HPSE2: variants seen among roughly 807,000 people sequenced by gnomAD.
HPSE2 encodes inactive heparanase-2.
In HPSE2, 38 loss-of-function variants were observed where a neutral mutation model predicts 60.5. The ratio of observed to expected loss-of-function variants is 0.63; its 90% CI spans 0.48 to 0.82. HPSE2 has a LOEUF of 0.82. Among genes scored for constraint, HPSE2 ranks in the 40% least tolerant of loss-of-function variants. The pLI, the probability that HPSE2 is intolerant of heterozygous loss-of-function variation, is 0.00. For missense variants in HPSE2, 713 were observed against 740.4 expected (o/e 0.96, Z 0.43); for synonymous variants, 295 against 293.2 (o/e 1.01, Z -0.06).
intron 3 of HPSE2, among the ~76,000 whole-genome samples, chr10:99,113,154 C>G (rs1168953515): frequency 6.6e-6 from 1 of 152,142 alleles, no homozygotes; most frequent in Non-Finnish European, 1.5e-5. Flanking sequence ...ACAATAGCAA[C>G]CATTCATTGA....
At chr10:99,015,058 C>A (rs1957106990) in intron 3 of HPSE2, among the ~76,000 whole-genome samples, 1 of 152,128 alleles carries the variant, frequency 6.6e-6, no homozygotes, top group South Asian at 2.1e-4. Context: ...CCAAAAGACA[C>A]ATGAAAAAAG....
intron 3 of HPSE2, among the ~76,000 whole-genome samples, chr10:99,069,813 C>A (rs930769965): frequency 1.3e-5 from 2 of 151,764 alleles, no homozygotes; most frequent in South Asian, 2.1e-4. Flanking sequence ...GTTACACAGA[C>A]AACCACTGTA....
chr10:98,832,129 G>T (rs1255309822), intron 3 of HPSE2, among the ~76,000 whole-genome samples: 1 of 152,060 alleles, frequency 6.6e-6, no homozygotes, highest in Non-Finnish European at 1.5e-5. Flanking sequence ...ATATCTAACT[G>T]CTAAAGAGGT....
chr10:99,283,811 A>G, the HPSE2 span, among the ~76,000 whole-genome samples: 6 of 152,234 alleles, frequency 3.9e-5, no homozygotes, highest in Admixed American at 3.3e-4. Context: ...AAGAAGAAAC[A>G]GAACATCTGA....
chr10:99,299,143 C>A, the HPSE2 span, among the ~76,000 whole-genome samples: 1 of 152,140 alleles, frequency 6.6e-6, no homozygotes, highest in African/African-American at 2.4e-5. Context: ...AGCCTCCCCC[C>A]TCCCCTAGTT....
chr10:99,011,611 C>A (rs1957017410), intron 3 of HPSE2, among the ~76,000 whole-genome samples: 1 of 151,852 alleles, frequency 6.6e-6, no homozygotes. Context: ...CAAAAATTAG[C>A]CAGGCATGGT....
intron 3 of HPSE2, among the ~76,000 whole-genome samples, chr10:98,879,272 C>A (rs1952956077): frequency 6.6e-6 from 1 of 151,998 alleles, no homozygotes; most frequent in Admixed American, 6.6e-5. Flanking sequence ...CTATTTATTT[C>A]TTACTTGTCT....
chr10:98,615,850 A>G (rs970291992), intron 8 of HPSE2, among the ~76,000 whole-genome samples: 1 of 152,222 alleles, frequency 6.6e-6, no homozygotes, highest in African/African-American at 2.4e-5. Context: ...AATGTGACTT[A>G]GAGATTCAGT....
At chr10:98,751,485 C>A (rs1949756939) in intron 3 of HPSE2, among the ~76,000 whole-genome samples, 1 of 152,114 alleles carries the variant, frequency 6.6e-6, no homozygotes, top group African/African-American at 2.4e-5. Context: ...CTATTTTATT[C>A]TTTTGCAACC....
At chr10:98,988,117 C>T (rs1428689103) in intron 3 of HPSE2, among the ~76,000 whole-genome samples, 1 of 152,206 alleles carries the variant, frequency 6.6e-6, no homozygotes, top group African/African-American at 2.4e-5. Context: ...CTACCAATGA[C>T]TTTCTTCACA....
At chr10:98,586,858 A>G (rs1378841832) in intron 9 of HPSE2, among the ~76,000 whole-genome samples, 1 of 152,204 alleles carries the variant, frequency 6.6e-6, no homozygotes, top group African/African-American at 2.4e-5. Flanking sequence ...TTTGGGAAAC[A>G]TTGGCGCAGA....
intron 3 of HPSE2, among the ~76,000 whole-genome samples, chr10:98,898,036 G>C (rs967136485): frequency 6.6e-6 from 1 of 151,992 alleles, no homozygotes; most frequent in South Asian, 2.1e-4. Flanking sequence ...GTAAGCAAAA[G>C]ATATGAACAG....
At chr10:98,650,618 AG>A (rs1420880830) in intron 6 of HPSE2, among the ~76,000 whole-genome samples, 1 of 152,194 alleles carries the variant, frequency 6.6e-6, no homozygotes, top group African/African-American at 2.4e-5. Flanking sequence ...ACAGTTGATG[AG>A]GGGAGATATT....
At chr10:98,582,004 G>A (rs1263861237) in intron 9 of HPSE2, among the ~76,000 whole-genome samples, 1 of 152,168 alleles carries the variant, frequency 6.6e-6, no homozygotes, top group Non-Finnish European at 1.5e-5. Context: ...GTGACTGTGT[G>A]AGCTGTTTGA....
At chr10:98,638,792 C>T (rs1946564998) in intron 7 of HPSE2, among the ~76,000 whole-genome samples, 1 of 152,154 alleles carries the variant, frequency 6.6e-6, no homozygotes, top group South Asian at 2.1e-4. Flanking sequence ...TGGTTCAAAT[C>T]TCAGGGAATC....
chr10:98,956,813 G>T (rs1295128812), intron 3 of HPSE2, among the ~76,000 whole-genome samples: 7 of 152,136 alleles, frequency 4.6e-5, no homozygotes, highest in African/African-American at 9.7e-5. Context: ...AGAAAGGAAG[G>T]CCTCTCTGAG....
chr10:98,758,485 A>C (rs1949931689), intron 3 of HPSE2, among the ~76,000 whole-genome samples: 2 of 152,174 alleles, frequency 1.3e-5, no homozygotes, highest in African/African-American at 4.8e-5. Flanking sequence ...CAAATTAACA[A>C]GCAAAAGCCA....
intron 3 of HPSE2, among the ~76,000 whole-genome samples, chr10:98,988,830 G>C (rs1225842773): frequency 1.5e-5 from 2 of 129,772 alleles, no homozygotes; most frequent in African/African-American, 5.7e-5. Flanking sequence ...CAAAAAGTGG[G>C]CAAAGGACAT....
At chr10:98,730,525 C>A (rs748067426) in intron 4 of HPSE2, among the ~76,000 whole-genome samples, 1 of 150,682 alleles carries the variant, frequency 6.6e-6, no homozygotes, top group African/African-American at 2.4e-5. Context: ...ACAGGGAAAG[C>A]GAAAGTTGGT....
Sources: allele counts gnomAD v4.1 joint callset (sites outside exome capture counted in the v4.1 genomes callset), GRCh38; gene constraint gnomAD v4.1.1; transcripts MANE v1.5; gene names NCBI Gene and HGNC (gene_info 2026-07-23, HGNC 2026-07-21).